CSMD1: variants seen among roughly 807,000 people sequenced by gnomAD.
CSMD1 encodes the protein CUB and sushi domain-containing protein 1.
Under a neutral mutation model 417.5 loss-of-function variants are expected in CSMD1, and 213 were observed. The observed-to-expected ratio is 0.51, with a 90% CI of 0.46 to 0.57. The LOEUF (loss-of-function observed/expected upper bound fraction) is 0.57, where lower values mean the gene tolerates loss of function less well. Ranked by LOEUF, CSMD1 falls within the 20% of genes least tolerant of loss-of-function variation. CSMD1 has a pLI of 0.00. For missense variants in CSMD1, 6,923 were observed against 4,529.7 expected (o/e 1.53, Z -15.17); for synonymous variants, 2,862 against 1,736.8 (o/e 1.65, Z -16.11).
At chr8:3,744,797 C>T (rs1198224458) in intron 6 of CSMD1, among the ~76,000 whole-genome samples, 1 of 144,760 alleles carries the variant, frequency 6.9e-6, no homozygotes, top group Non-Finnish European at 1.6e-5. Context: ...GAATGAATGA[C>T]ATTCTTATTT....
chr8:4,453,861 A>G (rs368992895), intron 2 of CSMD1, among the ~76,000 whole-genome samples: 29 of 111,330 alleles, frequency 2.6e-4, no homozygotes, highest in South Asian at 6.3e-4. Context: ...TCACTCTGTC[A>G]CCCACGCTGG....
intron 2 of CSMD1, among the ~76,000 whole-genome samples, chr8:4,578,130 C>T (rs757521731): frequency 6.6e-6 from 1 of 151,980 alleles, no homozygotes; most frequent in African/African-American, 2.4e-5. Context: ...ACTCAAAGTC[C>T]CCCACATCTT....
intron 3 of CSMD1, among the ~76,000 whole-genome samples, chr8:4,375,659 A>G (rs1168270127): frequency 6.6e-6 from 1 of 152,140 alleles, no homozygotes. Flanking sequence ...TGGTGGAAGG[A>G]TAAGGGAGGA....
At chr8:4,182,298 T>C (rs989173739) in intron 3 of CSMD1, among the ~76,000 whole-genome samples, 6 of 152,176 alleles carry the variant, frequency 3.9e-5, no homozygotes, top group African/African-American at 1.4e-4. Context: ...GGTAAAGTTC[T>C]AAGCTTGCCC....
Position 3,062,153 on chromosome 8 carries a change from C to CT in CSMD1, c.7475-9507dup, listed in dbSNP as rs534448170. ...TAATGGGAATATTTCTGGGTCCTTT[C>CT]TTTTTTTTCTATTTTCCTCCCTTAT... On this transcript the variant is annotated intron_variant, in intron 49 of 69. Coordinates refer to ENST00000635120, the MANE Select transcript of CSMD1 (RefSeq NM_033225.6). Among the ~76,000 whole-genome samples, 682 of 152,132 alleles carry CT rather than the reference C, an allele frequency of 4.5e-3. 9 individuals carry two copies. The highest frequency in any genetic ancestry group is 0.018 in the Admixed American group (276 of 15,282).
At chr8:4,081,168 T>A (rs992782352) in intron 3 of CSMD1, among the ~76,000 whole-genome samples, 2 of 152,176 alleles carry the variant, frequency 1.3e-5, no homozygotes, top group African/African-American at 4.8e-5. Context: ...AGCATTGTGA[T>A]AAATAAACTT....
At chr8:4,915,841 G>A (rs1223774692) in intron 1 of CSMD1, among the ~76,000 whole-genome samples, 7 of 152,194 alleles carry the variant, frequency 4.6e-5, no homozygotes, top group Non-Finnish European at 8.8e-5. Context: ...CTGTCACAAT[G>A]GCATCCTGCC....
At chr8:4,962,654 A>C (rs750983590) in intron 1 of CSMD1, among the ~76,000 whole-genome samples, 1 of 152,184 alleles carries the variant, frequency 6.6e-6, no homozygotes, top group South Asian at 2.1e-4. Flanking sequence ...CAATTTATTC[A>C]GTGAAGAATA....
chr8:4,268,936 ATTACTTTCTC>A (rs1393592008), intron 3 of CSMD1, among the ~76,000 whole-genome samples: 3 of 152,318 alleles, frequency 2.0e-5, no homozygotes, highest in East Asian at 3.8e-4. Flanking sequence ...GAGAATTACA[ATTACTTTCTC>A]ATTCTGCTGT....
rs116054577 is a variant in CSMD1, at chr8:3,837,483, C to G, written c.819-83441G>C. The stretch of plus-strand genomic sequence containing the variant: ...TGTCCTCCTGGGACCTAATGCTGAA[C>G]AGCAGAAACAAGATGTGAGATCCTG... On this transcript the variant is annotated intron_variant, in intron 5 of 69. Coordinates refer to ENST00000635120, the MANE Select transcript of CSMD1 (RefSeq NM_033225.6). Among the ~76,000 whole-genome samples the G allele has an allele frequency of 2.0e-3, 308 of 152,134 alleles. 1 individual carries two copies. Among genetic ancestry groups the G allele is most frequent in the African/African-American group, 7.3e-3 (301 of 41,506 alleles).
chr8:4,020,168 G>C (rs527567824), intron 4 of CSMD1, among the ~76,000 whole-genome samples: 75 of 152,236 alleles, frequency 4.9e-4, no homozygotes, highest in South Asian at 1.5e-3. Context: ...CTTTACAACA[G>C]ATTTCTCAAG....
At chr8:3,853,313 C>A (rs560969833) in intron 5 of CSMD1, among the ~76,000 whole-genome samples, 1 of 152,162 alleles carries the variant, frequency 6.6e-6, no homozygotes, top group Non-Finnish European at 1.5e-5. Flanking sequence ...TTTTTCTTCT[C>A]ACCTGACACT....
At chr8:3,420,906 T>G (rs1813447234) in intron 12 of CSMD1, among the ~76,000 whole-genome samples, 1 of 152,204 alleles carries the variant, frequency 6.6e-6, no homozygotes, top group Admixed American at 6.5e-5. Flanking sequence ...CACTCTTTCC[T>G]GTTTCTCTTG....
chr8:4,099,492 C>T (rs141098658), intron 3 of CSMD1, among the ~76,000 whole-genome samples: 245 of 152,196 alleles, frequency 1.6e-3, no homozygotes, highest in African/African-American at 5.7e-3. Flanking sequence ...CTCCTTCCAG[C>T]CTTCAATGCT....
At chr8:3,629,003 AG>A (rs1468056787) in intron 7 of CSMD1, among the ~76,000 whole-genome samples, 2 of 152,198 alleles carry the variant, frequency 1.3e-5, no homozygotes, top group African/African-American at 4.8e-5. Flanking sequence ...GGAAAGAAAA[AG>A]ATAAAATAGA....
chr8:4,501,213 C>T lies in CSMD1; in HGVS notation c.303-81148G>A, dbSNP rs183089259. 1.2e-3 allele frequency among the ~76,000 whole-genome samples: 183 copies of T among 151,930 alleles called. 1 individual carries two copies. Among genetic ancestry groups the T allele is most frequent in the African/African-American group, 4.3e-3 (179 of 41,464 alleles). On this transcript the variant is annotated intron_variant, in intron 2 of 69. Transcript: ENST00000635120. Reference sequence around the variant, plus strand: ...ATATATACACATATATATTAATATCCTCTATAACATTGCTGGGCCAGAGAT... The same window carrying T: ...ATATATACACATATATATTAATATCTTCTATAACATTGCTGGGCCAGAGAT...
At chr8:4,759,838 G>T (rs1163853485) in intron 1 of CSMD1, among the ~76,000 whole-genome samples, 1 of 152,142 alleles carries the variant, frequency 6.6e-6, no homozygotes, top group Non-Finnish European at 1.5e-5. Flanking sequence ...TTGATTCCAT[G>T]TGTTTGCTAT....
chr8:3,197,273 T>A lies in CSMD1; in HGVS notation c.5194+2441A>T, dbSNP rs528775213. Among the ~76,000 whole-genome samples the A allele has an allele frequency of 2.0e-5, 3 of 152,144 alleles. No homozygotes were observed. The East Asian group carries it at 5.8e-4, about 30-fold the overall frequency. ...TGCACACTGATGCTGTTGCAAACAT[T>A]TTTCACTGTAGACCCCAGCAGCTCT... On this transcript the variant is annotated intron_variant, in intron 33 of 69. Transcript: ENST00000635120.
At chr8:4,490,256 G>A (rs763090939) in intron 2 of CSMD1, among the ~76,000 whole-genome samples, 7 of 152,064 alleles carry the variant, frequency 4.6e-5, no homozygotes, top group African/African-American at 1.7e-4. Context: ...TGGCCAGGTT[G>A]ATCTTGAACT....
Sources: gnomAD v4.1 joint callset for allele counts (sites outside exome capture counted in the v4.1 genomes callset) on GRCh38, gnomAD v4.1.1 for gene constraint, MANE v1.5 for transcripts, NCBI Gene and HGNC (gene_info 2026-07-23, HGNC 2026-07-21) for gene names.